Variants in CFAP77 observed in about 807,000 individuals in gnomAD.
CFAP77 encodes cilia- and flagella-associated protein 77.
CFAP77 carries 25 observed loss-of-function variants against 31.1 expected under a neutral mutation model. The observed-to-expected ratio is 0.80, with a 90% confidence interval of 0.59 to 1.12. The LOEUF is 1.12. Ranked by LOEUF, CFAP77 falls within the 50% of genes most tolerant of loss-of-function variation. CFAP77 has a pLI of 0.00. For synonymous variants in CFAP77, 151 were observed against 159.9 expected (o/e 0.94, Z 0.42); for missense variants, 377 against 397.3 (o/e 0.95, Z 0.44).
chr9:132,558,511 C>T (rs1331432848), intron 5 of CFAP77, among the ~76,000 whole-genome samples: 1 of 151,892 alleles, frequency 6.6e-6, no homozygotes, highest in African/African-American at 2.4e-5. Context: ...TCAAGACTAG[C>T]CTGGCCAACG....
intron 3 of CFAP77, among the ~76,000 whole-genome samples, chr9:132,533,238 G>A (rs1852488291): frequency 6.6e-6 from 1 of 152,212 alleles, no homozygotes; most frequent in Non-Finnish European, 1.5e-5. Flanking sequence ...GACTCTTCAT[G>A]TTCCGGTCAC....
In CFAP77 at chr9:132,466,755, T is replaced by C. The variant is rs567765649; in HGVS notation, c.196-31940T>C. Among the ~76,000 whole-genome samples the C allele has an allele frequency of 5.9e-5, 9 of 152,314 alleles. No homozygotes were observed. In the South Asian group the frequency reaches 1.9e-3, roughly 32 times the overall value. On this transcript the variant is annotated intron_variant, in intron 1 of 5. Coordinates refer to ENST00000393216, the MANE Select transcript of CFAP77 (RefSeq NM_001282957.2). ...CACCACATCCCAAGGACTTGCCCAG[T>C]AGAAGGGGCTGGTGGAGATGACCTC... is the stretch of plus-strand genomic sequence containing the variant.
At chr9:132,502,580 TTTGGC>T (rs1851869580) in intron 3 of CFAP77, among the ~76,000 whole-genome samples, 1 of 152,174 alleles carries the variant, frequency 6.6e-6, no homozygotes, top group South Asian at 2.1e-4. Flanking sequence ...TCATACAATG[TTTGGC>T]TTTTTGTGTC....
At position 132,433,971 on chromosome 9, in the gene CFAP77, T is replaced by TAAA. The variant is rs1229342874; in HGVS notation, c.195+23521_195+23523dup. 2.8e-3 allele frequency among the ~76,000 whole-genome samples: 360 copies of TAAA among 129,898 alleles called. 5 individuals are homozygous for TAAA. Among genetic ancestry groups the TAAA allele is most frequent in the East Asian group, 0.028 (123 of 4,460 alleles). The allele number at this position is 129,898 out of a possible 152,430, so 85.2% of individuals were successfully genotyped here. On this transcript the variant is annotated intron_variant, in intron 1 of 5. Coordinates refer to ENST00000393216, the MANE Select transcript of CFAP77 (RefSeq NM_001282957.2). ...GGGCAACATAGGGAGACCCCATGTG[T>TAAA]AAAAAAAAAAAAAAAAAATTAGCTG...
chr9:132,515,516 G>T (rs1307839037), intron 3 of CFAP77, among the ~76,000 whole-genome samples: 1 of 152,182 alleles, frequency 6.6e-6, no homozygotes, highest in Non-Finnish European at 1.5e-5. Context: ...GATTTTAAAA[G>T]AAATTTAAAT....
Position 132,555,571 on chromosome 9 carries a change from C to T in CFAP77, c.732+12524C>T, listed in dbSNP as rs372936122. Among the ~76,000 whole-genome samples, 20 of 152,248 alleles carry T rather than the reference C, an allele frequency of 1.3e-4. No individual in the cohort carries two copies. The East Asian group carries it at 3.9e-3, about 29-fold the overall frequency. Reference sequence around the variant, plus strand: ...TGAGAAAGCACTGTCAGGTAAATTTCCAGAGAAAGTAATTAAGGAATCCCC... The same window carrying T: ...TGAGAAAGCACTGTCAGGTAAATTTTCAGAGAAAGTAATTAAGGAATCCCC... On this transcript the variant is annotated intron_variant, in intron 5 of 5. Transcript: ENST00000393216.
intron 1 of CFAP77, among the ~76,000 whole-genome samples, chr9:132,483,180 A>G (rs773947113): frequency 6.6e-4 from 100 of 152,136 alleles, no homozygotes; most frequent in Non-Finnish European, 1.4e-3. Flanking sequence ...CTGAGGCAGG[A>G]CAATCGCTTG....
At position 132,416,141 on chromosome 9, in the gene CFAP77, G is replaced by A. The variant is rs190120079; in HGVS notation, c.195+5675G>A. Among the ~76,000 whole-genome samples, 430 of 152,072 alleles carry A rather than the reference G, an allele frequency of 2.8e-3. 1 individual carries two copies. The highest frequency in any genetic ancestry group is 9.5e-3 in the African/African-American group (395 of 41,448). On this transcript the variant is annotated intron_variant, in intron 1 of 5. Transcript: ENST00000393216. Reference sequence around the variant, plus strand: ...GACAGTGTGCTGAGGGCTTTGCGGTGGTCCCTGAGACCTGGGCTGTGTTAA... The same window carrying A: ...GACAGTGTGCTGAGGGCTTTGCGGTAGTCCCTGAGACCTGGGCTGTGTTAA...
At chr9:132,482,173 C>CTCTT (rs754913903) in intron 1 of CFAP77, 6 of 591,022 alleles carry the variant, frequency 1.0e-5, no homozygotes, top group Non-Finnish European at 1.8e-5. Flanking sequence ...TTCCTTTTCT[C>CTCTT]TCTTTCTTTC....
chr9:132,496,090 C>T (rs1378162335), intron 1 of CFAP77, among the ~76,000 whole-genome samples: 1 of 152,060 alleles, frequency 6.6e-6, no homozygotes, highest in Non-Finnish European at 1.5e-5. Context: ...TACACTGAGG[C>T]CTGGGAAAAG....
In CFAP77 at chr9:132,490,711, T is replaced by C. The variant is rs577114704; in HGVS notation, c.196-7984T>C. ...CCAAAATGCCAATTCAAGATCTGTA[T>C]GTGTCTTTCTTTTCCTGATTACCCT... On this transcript the variant is annotated intron_variant, in intron 1 of 5. Transcript: ENST00000393216. The surrounding 1 kb of genome is among the most constrained non-coding windows in gnomAD (Gnocchi z 4.6). Among the ~76,000 whole-genome samples the C allele has an allele frequency of 6.6e-6, 1 of 152,306 alleles. No homozygotes were observed. Among genetic ancestry groups the C allele is most frequent in the East Asian group, 1.9e-4 (1 of 5,192 alleles).
chr9:132,507,020 G>A (rs1851941372), intron 3 of CFAP77, among the ~76,000 whole-genome samples: 1 of 152,178 alleles, frequency 6.6e-6, no homozygotes. Context: ...TCTGTGTAAG[G>A]CCATCCTGTC....
intron 1 of CFAP77, among the ~76,000 whole-genome samples, chr9:132,437,747 G>A (rs572916875): frequency 1.8e-4 from 27 of 151,320 alleles, no homozygotes; most frequent in South Asian, 6.3e-4. Context: ...TCCTGACTTC[G>A]TGATCTGCCC....
Position 132,455,948 on chromosome 9 carries a change from T to G in CFAP77, c.196-42747T>G, listed in dbSNP as rs1364335046. 6.6e-6 allele frequency among the ~76,000 whole-genome samples: 1 copy of G among 152,152 alleles called. No individual in the cohort carries two copies. Among genetic ancestry groups the G allele is most frequent in the East Asian group, 1.9e-4 (1 of 5,184 alleles). On this transcript the variant is annotated intron_variant, in intron 1 of 5. Coordinates refer to ENST00000393216, the MANE Select transcript of CFAP77 (RefSeq NM_001282957.2). The surrounding 1 kb of genome is among the most constrained non-coding windows in gnomAD (Gnocchi z 4.1). ...TATTAGCTGTATAACCTTGAGCAAG[T>G]TATTTATCCACTCTTAGTTTTCCCT...
chr9:132,440,157 C>T (rs545828976), intron 1 of CFAP77, among the ~76,000 whole-genome samples: 1 of 151,984 alleles, frequency 6.6e-6, no homozygotes, highest in East Asian at 1.9e-4. Flanking sequence ...ATTGCGAAGC[C>T]CCCTCTCTAC....
chr9:132,469,673 C>G (rs1164390613), intron 1 of CFAP77, among the ~76,000 whole-genome samples: 2 of 152,042 alleles, frequency 1.3e-5, no homozygotes, highest in Non-Finnish European at 2.9e-5. Flanking sequence ...TAAAAAAAAA[C>G]TTTTAATTTT....
intron 1 of CFAP77, among the ~76,000 whole-genome samples, chr9:132,473,133 T>C (rs1311162107): frequency 1.3e-5 from 2 of 152,030 alleles, no homozygotes; most frequent in African/African-American, 4.8e-5. Flanking sequence ...CAGGCTCTTT[T>C]TAACAAACAG....
chr9:132,534,537 A>G (rs1281880710), intron 3 of CFAP77, among the ~76,000 whole-genome samples: 1 of 149,100 alleles, frequency 6.7e-6, no homozygotes, highest in Non-Finnish European at 1.5e-5. Flanking sequence ...GCGTGAACCC[A>G]GGAGGCGGAG....
intron 1 of CFAP77, among the ~76,000 whole-genome samples, chr9:132,449,918 G>A (rs1446188909): frequency 6.6e-6 from 1 of 151,890 alleles, no homozygotes; most frequent in Non-Finnish European, 1.5e-5. Flanking sequence ...TTGTTTGTTT[G>A]TTTGTTTGTT....
Sources: gnomAD v4.1 joint callset for allele counts (sites outside exome capture counted in the v4.1 genomes callset) on GRCh38, gnomAD v4.1.1 for gene constraint, Gnocchi (gnomAD v3.1) non-coding constraint, MANE v1.5 for transcripts, NCBI Gene and HGNC (gene_info 2026-07-23, HGNC 2026-07-21) for gene names.